The following RIT2 variants were observed in gnomAD, a reference collection of about 807,000 sequenced individuals.
RIT2 encodes Ras like without CAAX 2, also known as GTP-binding protein Rit2.
Under a neutral mutation model 23.7 loss-of-function variants are expected in RIT2, and 24 were observed. The observed-to-expected ratio is 1.01, with a 90% CI of 0.73 to 1.43. The LOEUF (loss-of-function observed/expected upper bound fraction) is 1.43, where lower values mean the gene tolerates loss of function less well. RIT2 is among the 40% of genes most tolerant of loss of function. The pLI is 0.00. For synonymous variants in RIT2, 107 were observed against 91.1 expected (o/e 1.17, Z -0.99); for missense variants, 236 against 266.9 (o/e 0.88, Z 0.81).
At chr18:43,057,689 A>T (rs1444440117) in intron 1 of RIT2, among the ~76,000 whole-genome samples, 1 of 152,106 alleles carries the variant, frequency 6.6e-6, no homozygotes, top group Non-Finnish European at 1.5e-5. Flanking sequence ...GATTAGGGGT[A>T]TAGCACCTTA....
At chr18:43,044,235 T>C (rs572477342) in intron 1 of RIT2, among the ~76,000 whole-genome samples, 15 of 152,334 alleles carry the variant, frequency 9.8e-5, no homozygotes, top group Admixed American at 9.8e-4. Flanking sequence ...GAAAGAATGT[T>C]GAATCAGAAA....
At chr18:42,836,391 G>T (rs1906604081) in intron 4 of RIT2, among the ~76,000 whole-genome samples, 1 of 151,966 alleles carries the variant, frequency 6.6e-6, no homozygotes, top group Non-Finnish European at 1.5e-5. Flanking sequence ...CCTCCAATCT[G>T]CCTCCACTTA....
In RIT2 at chr18:43,050,999, G is replaced by T. The variant is rs529200729; in HGVS notation, c.104-17132C>A. Among the ~76,000 whole-genome samples, 9 of 152,164 alleles carry T rather than the reference G, an allele frequency of 5.9e-5. No individual in the cohort carries two copies. The South Asian group carries it at 1.0e-3, about 18-fold the overall frequency. ...CCCAGCAAATTAATCCAACCTAAAA[G>T]GTGTTAGTGAGAACCCCAACGTGAA... On this transcript the variant is annotated intron_variant, in intron 1 of 4. Coordinates refer to ENST00000326695, the MANE Select transcript of RIT2 (RefSeq NM_002930.4).
chr18:43,030,117 C>T (rs1032417964), intron 2 of RIT2, among the ~76,000 whole-genome samples: 3 of 151,906 alleles, frequency 2.0e-5, no homozygotes, highest in African/African-American at 4.8e-5. Context: ...CATTTTTAAC[C>T]TTTATGACAC....
At chr18:42,923,440 G>T in intron 4 of RIT2, 132 bp downstream of exon 4, 1 of 787,894 alleles carries the variant, frequency 1.3e-6, no homozygotes, top group Non-Finnish European at 2.1e-6. Context: ...GGACCACCAT[G>T]ACTTATTAGA....
chr18:42,910,956 A>G (rs191281888), intron 4 of RIT2, among the ~76,000 whole-genome samples: 3 of 152,292 alleles, frequency 2.0e-5, no homozygotes, highest in Admixed American at 2.0e-4. Flanking sequence ...TGACATTTAT[A>G]GAACACTATA....
At chr18:42,860,960 G>GGT (rs1465274339) in intron 4 of RIT2, among the ~76,000 whole-genome samples, 7 of 152,176 alleles carry the variant, frequency 4.6e-5, no homozygotes, top group African/African-American at 1.7e-4. Context: ...CATGTGTATG[G>GGT]GTGTGTGTGT....
chr18:42,888,631 T>C (rs1008734212), intron 4 of RIT2, among the ~76,000 whole-genome samples: 2 of 152,012 alleles, frequency 1.3e-5, no homozygotes, highest in African/African-American at 4.8e-5. Flanking sequence ...GCTGCAGTAT[T>C]CACAATAGCA....
chr18:42,995,574 A>T (rs969347757), intron 2 of RIT2, among the ~76,000 whole-genome samples: 2 of 152,200 alleles, frequency 1.3e-5, no homozygotes, highest in African/African-American at 4.8e-5. Context: ...GTATTCAGCG[A>T]AACCTTTATA....
chr18:42,762,815 T>A lies in RIT2; in HGVS notation c.427-19095A>T, dbSNP rs567524975. ...TTTTTGTTGATCTCAAATCAACCAATGCAGTATATATGTAACTAGTACACC... is the reference window on the plus strand; with the variant it reads ...TTTTTGTTGATCTCAAATCAACCAAAGCAGTATATATGTAACTAGTACACC... On this transcript the variant is annotated intron_variant, in intron 4 of 4. Coordinates refer to ENST00000326695, the MANE Select transcript of RIT2 (RefSeq NM_002930.4). Among the ~76,000 whole-genome samples, 113 of 152,342 alleles carry A rather than the reference T, an allele frequency of 7.4e-4. No individual in the cohort carries two copies. In the South Asian group the frequency reaches 0.023, roughly 31 times the overall value.
intron 2 of RIT2, among the ~76,000 whole-genome samples, chr18:43,026,620 GAA>G (rs768319703): frequency 0.011 from 1,522 of 141,888 alleles, 21 homozygotes; most frequent in Middle Eastern, 0.03. Context: ...AAGAAAGAAA[GAA>G]AGAAAGAAAG....
intron 1 of RIT2, among the ~76,000 whole-genome samples, chr18:43,088,531 CAG>C (rs778493367): frequency 2.0e-5 from 3 of 152,024 alleles, no homozygotes; most frequent in Non-Finnish European, 4.4e-5. Flanking sequence ...AGAAACAGGA[CAG>C]AGAGGAAAAT....
intron 1 of RIT2, among the ~76,000 whole-genome samples, chr18:43,099,317 G>T (rs1389263109): frequency 1.3e-5 from 2 of 151,848 alleles, no homozygotes; most frequent in African/African-American, 4.8e-5. Context: ...GATTTCCAAG[G>T]TTATAATGAT....
chr18:42,944,370 T>C (rs908823073), intron 3 of RIT2, among the ~76,000 whole-genome samples: 12 of 152,078 alleles, frequency 7.9e-5, no homozygotes, highest in African/African-American at 2.9e-4. Context: ...ATTGTTTGTC[T>C]CCCCCACTAC....
chr18:42,771,535 A>AT (rs1052558593), intron 4 of RIT2, among the ~76,000 whole-genome samples: 4 of 151,978 alleles, frequency 2.6e-5, no homozygotes, highest in Non-Finnish European at 4.4e-5. Context: ...CTGTTTTTGT[A>AT]TTTTTTTCTC....
chr18:43,089,707 C>G (rs1444849878), intron 1 of RIT2, among the ~76,000 whole-genome samples: 1 of 152,030 alleles, frequency 6.6e-6, no homozygotes, highest in Admixed American at 6.6e-5. Context: ...ACCAATGAAA[C>G]AGCATGGAGA....
intron 2 of RIT2, among the ~76,000 whole-genome samples, chr18:43,026,580 G>GAAAGAAAA (rs1911726733): frequency 1.6e-5 from 1 of 63,862 alleles, no homozygotes. Flanking sequence ...AAATAAGAAA[G>GAAAGAAAA]AAAGAAAGAA....
At chr18:42,967,551 T>A (rs1910262832) in intron 3 of RIT2, among the ~76,000 whole-genome samples, 1 of 140,780 alleles carries the variant, frequency 7.1e-6, no homozygotes, top group Non-Finnish European at 1.5e-5. Flanking sequence ...TTTTTTTTTT[T>A]TTTTTTTTTT....
chr18:43,082,092 G>T (rs1239377287), intron 1 of RIT2, among the ~76,000 whole-genome samples: 1 of 152,110 alleles, frequency 6.6e-6, no homozygotes, highest in Non-Finnish European at 1.5e-5. Flanking sequence ...GGTCTATTCA[G>T]GGATTTGACT....
Sources: allele counts gnomAD v4.1 joint callset (sites outside exome capture counted in the v4.1 genomes callset), GRCh38; gene constraint gnomAD v4.1.1; transcripts MANE v1.5; gene names NCBI Gene and HGNC (gene_info 2026-07-23, HGNC 2026-07-21).